TMPRSS11E: variants seen among roughly 807,000 people sequenced by gnomAD.
TMPRSS11E encodes transmembrane protease serine 11E.
A neutral mutation model predicts 48.1 loss-of-function variants in TMPRSS11E; 38 were observed. The ratio of observed to expected loss-of-function variants is 0.79; its 90% confidence interval spans 0.61 to 1.04. The LOEUF (loss-of-function observed/expected upper bound fraction) is 1.04. Among genes scored for constraint, TMPRSS11E ranks in the 50% least tolerant of loss-of-function variants. The pLI is 0.00. For missense variants in TMPRSS11E, 530 were observed against 510.8 expected, an observed-to-expected ratio of 1.04 and a Z score of -0.36; for synonymous variants, 158 against 171.9, an observed-to-expected ratio of 0.92 and a Z score of 0.63.
At chr4:68,495,173 T>C (rs1232463675) in intron 9 of TMPRSS11E, among the ~76,000 whole-genome samples, 1 of 152,184 alleles carries the variant, frequency 6.6e-6, no homozygotes, top group Non-Finnish European at 1.5e-5. Flanking sequence ...GAATAGACTC[T>C]ATATTTTTTT....
intron 3 of TMPRSS11E, among the ~76,000 whole-genome samples, chr4:68,468,156 C>T (rs1244486261): frequency 2.0e-5 from 3 of 152,112 alleles, no homozygotes; most frequent in Admixed American, 2.0e-4. Flanking sequence ...TTAAAAGGCT[C>T]ATTGCTTCTG....
chr4:68,450,859 A>G (rs1469179457), intron 1 of TMPRSS11E, among the ~76,000 whole-genome samples: 2 of 151,706 alleles, frequency 1.3e-5, no homozygotes, highest in Non-Finnish European at 3.0e-5. Flanking sequence ...CATTTGCTAT[A>G]TTGTGAAAAT....
At chr4:68,463,429 G>C (rs761149522) in intron 2 of TMPRSS11E, among the ~76,000 whole-genome samples, 28 of 152,054 alleles carry the variant, frequency 1.8e-4, no homozygotes, top group Non-Finnish European at 4.0e-4. Flanking sequence ...AGCCTCCTGA[G>C]TAGCTGAGAT....
intron 6 of TMPRSS11E, among the ~76,000 whole-genome samples, chr4:68,475,259 T>C (rs1729178737): frequency 6.6e-6 from 1 of 152,144 alleles, no homozygotes; most frequent in African/African-American, 2.4e-5. Flanking sequence ...ATAAAATTAC[T>C]GAAGACACAT....
At chr4:68,457,891 A>G (rs1285835435) in intron 1 of TMPRSS11E, among the ~76,000 whole-genome samples, 2 of 151,984 alleles carry the variant, frequency 1.3e-5, no homozygotes, top group Non-Finnish European at 2.9e-5. Flanking sequence ...ATGAGAATAC[A>G]TGGACACAGG....
chr4:68,451,842 G>A (rs143054129), intron 1 of TMPRSS11E, among the ~76,000 whole-genome samples: 1,787 of 151,952 alleles, frequency 0.012, 34 homozygotes, highest in South Asian at 0.021. Flanking sequence ...AGGCAGAACT[G>A]ATGGTTAACC....
intron 2 of TMPRSS11E, among the ~76,000 whole-genome samples, chr4:68,465,011 A>G (rs539175260): frequency 6.6e-6 from 1 of 152,372 alleles, no homozygotes; most frequent in East Asian, 1.9e-4. Flanking sequence ...TATGAGGCAG[A>G]TGTTAAAAAA....
At chr4:68,461,751 A>T (rs1728796186) in intron 1 of TMPRSS11E, 70 bp from the exon 2 acceptor site, 1 of 1,603,018 alleles carries the variant, frequency 6.2e-7, no homozygotes, top group South Asian at 1.1e-5. Flanking sequence ...CCCCCAAAAT[A>T]TCTGTTTTGT....
intron 1 of TMPRSS11E, among the ~76,000 whole-genome samples, chr4:68,461,481 A>G (rs1332386893): frequency 6.6e-6 from 1 of 152,214 alleles, no homozygotes; most frequent in Admixed American, 6.5e-5. Context: ...GATAGCTAAC[A>G]TTTAATATTG....
intron 9 of TMPRSS11E, among the ~76,000 whole-genome samples, chr4:68,485,503 A>G (rs1018800431): frequency 6.6e-5 from 10 of 152,054 alleles, no homozygotes; most frequent in African/African-American, 2.2e-4. Flanking sequence ...ATAAGACTAC[A>G]TTACTGTGGT....
intron 1 of TMPRSS11E, among the ~76,000 whole-genome samples, chr4:68,460,566 T>C (rs538360795): frequency 6.6e-6 from 1 of 152,282 alleles, no homozygotes; most frequent in Admixed American, 6.5e-5. Context: ...TCCAGGAGAA[T>C]ACCATGTTTT....
intron 9 of TMPRSS11E, among the ~76,000 whole-genome samples, chr4:68,488,461 A>G (rs1264773056): frequency 2.0e-5 from 3 of 152,134 alleles, no homozygotes; most frequent in Non-Finnish European, 4.4e-5. Context: ...TGCCCATTGT[A>G]TTATGAAATT....
At chr4:68,484,857 G>A (rs1282268242) in intron 9 of TMPRSS11E, among the ~76,000 whole-genome samples, 1 of 152,198 alleles carries the variant, frequency 6.6e-6, no homozygotes, top group Non-Finnish European at 1.5e-5. Context: ...GGCAGAGACT[G>A]TGGAGTTTTC....
chr4:68,481,560 G>A (rs1729399254), intron 9 of TMPRSS11E, among the ~76,000 whole-genome samples: 1 of 152,172 alleles, frequency 6.6e-6, no homozygotes, highest in Admixed American at 6.5e-5. Context: ...GATTAGTGAT[G>A]TTGAGCATTT....
chr4:68,457,381 A>G (rs541694108), intron 1 of TMPRSS11E, among the ~76,000 whole-genome samples: 30 of 152,306 alleles, frequency 2.0e-4, no homozygotes, highest in South Asian at 1.0e-3. Context: ...GGCGATCATT[A>G]AAAAGTCAGG....
intron 9 of TMPRSS11E, among the ~76,000 whole-genome samples, chr4:68,495,637 G>A (rs1271466575): frequency 6.6e-6 from 1 of 151,930 alleles, no homozygotes; most frequent in Non-Finnish European, 1.5e-5. Flanking sequence ...TTTTTTAAAT[G>A]GACAAAAGAA....
At chr4:68,475,227 G>A (rs560662669) in intron 6 of TMPRSS11E, among the ~76,000 whole-genome samples, 2 of 152,096 alleles carry the variant, frequency 1.3e-5, no homozygotes, top group Admixed American at 1.3e-4. Flanking sequence ...AGAAAGTGCA[G>A]GAAATTATGG....
At chr4:68,496,195 A>G (rs1729859593) in intron 9 of TMPRSS11E, among the ~76,000 whole-genome samples, 1 of 152,126 alleles carries the variant, frequency 6.6e-6, no homozygotes, top group South Asian at 2.1e-4. Context: ...CAAACTTGAG[A>G]TAGAAACCCT....
chr4:68,452,585 C>T (rs974948227), intron 1 of TMPRSS11E, among the ~76,000 whole-genome samples: 1 of 151,932 alleles, frequency 6.6e-6, no homozygotes, highest in Non-Finnish European at 1.5e-5. Flanking sequence ...CCTGTTCTCA[C>T]ATCAGCCCTG....
Sources: allele counts gnomAD v4.1 joint callset (sites outside exome capture counted in the v4.1 genomes callset), GRCh38; gene constraint gnomAD v4.1.1; transcripts MANE v1.5; gene names NCBI Gene and HGNC (gene_info 2026-07-23, HGNC 2026-07-21).